NBPF9: variants seen among roughly 807,000 people sequenced by gnomAD.
NBPF9 encodes NBPF member 9.
NBPF9 carries 91 observed loss-of-function variants against 97.8 expected under a neutral mutation model. That is an observed-to-expected ratio of 0.93 (90% CI 0.79 to 1.11). The LOEUF is 1.11. NBPF9 is among the 50% of genes least tolerant of loss of function. The probability of loss-of-function intolerance (pLI) is 0.00; values close to 1 mark genes in which losing one functional copy is unlikely to be tolerated. For synonymous variants in NBPF9, 334 were observed against 359.5 expected, an observed-to-expected ratio of 0.93 and a Z score of 0.80; for missense variants, 992 against 939.5, an observed-to-expected ratio of 1.06 and a Z score of -0.73.
exon 1 of NBPF9, chr1:149,103,303 C>G (rs1553663763): frequency 6.6e-6 from 1 of 151,740 alleles, no homozygotes; most frequent in African/African-American, 2.4e-5. Context: ...GCCTTCACCT[C>G]GGAAACGCTG....
rs1404876334 is a variant in NBPF9 at position 149,102,787 on chromosome 1, G to A, written c.-782C>T. ...GCTAGTCATGAGGTGATTCAGTGAC[G>A]GCTACAAACGCTCCTCATGTGCATC... On this transcript the variant is annotated 5_prime_UTR_variant, in exon 2 of 30. Coordinates refer to ENST00000584027, the Ensembl canonical transcript of NBPF9. 6 of 152,234 alleles carry A rather than the reference G, an allele frequency of 3.9e-5. No homozygotes were observed. In the East Asian group the frequency reaches 1.2e-3, roughly 29 times the overall value. The allele number at this position is 152,234 out of a possible 1,614,324, so 9.4% of individuals were successfully genotyped here.
rs1239145604 is a variant in NBPF9, at chr1:149,068,980, G to A, written c.1637+614C>T. On this transcript the variant is annotated intron_variant, in intron 17 of 29. Coordinates refer to ENST00000584027, the Ensembl canonical transcript of NBPF9. ...AGGATTAAGAAACTCACTCAAAACCGCACAACTACATGGAAACTGAACAAC... is the reference window on the plus strand; with the variant it reads ...AGGATTAAGAAACTCACTCAAAACCACACAACTACATGGAAACTGAACAAC... 4.1e-3 allele frequency among the ~76,000 whole-genome samples: 624 copies of A among 152,104 alleles called. 2 individuals carry two copies. Among genetic ancestry groups the A allele is most frequent in the African/African-American group, 5.6e-3 (233 of 41,500 alleles).
intron 5 of NBPF9, among the ~76,000 whole-genome samples, chr1:149,087,722 C>A (rs1256218790): frequency 6.6e-6 from 1 of 151,078 alleles, no homozygotes; most frequent in African/African-American, 2.4e-5. Context: ...CTCTTCTGAT[C>A]CATGACAAGG....
intron 18 of NBPF9, 26 bp from the exon 19 acceptor site, chr1:149,064,508 C>G (rs782720468): frequency 2.6e-5 from 40 of 1,510,730 alleles, no homozygotes; most frequent in Non-Finnish European, 3.6e-5. Flanking sequence ...GATGGGCCCT[C>G]TTACATTAAG....
intron 11 of NBPF9, among the ~76,000 whole-genome samples, chr1:149,076,696 G>A (rs587698904): frequency 5.5e-4 from 80 of 146,122 alleles, no homozygotes; most frequent in African/African-American, 1.9e-3. Flanking sequence ...TTTTAGTAAA[G>A]ACGGGGTTTC....
rs1159456397 is a variant in NBPF9 at position 149,060,828 on chromosome 1, T to C, written c.2304-133A>G. ...ATAGATCCATTAATGAGGTAACAAA[T>C]TATTGCCTTCATGTTGGGACACAAC... On this transcript the variant is annotated intron_variant, in intron 23 of 29. Transcript: ENST00000584027. 34 of 405,118 alleles carry C rather than the reference T, an allele frequency of 8.4e-5. 12 individuals are homozygous for C. In the South Asian group the frequency reaches 8.5e-4, roughly 10 times the overall value. 25.1% of individuals were successfully genotyped at this position (405,118 alleles called of 1,614,324 possible). A position where few individuals can be genotyped will look rare whatever the true frequency, so the allele number is the denominator to read the frequency against.
At chr1:149,071,473 G>C in intron 15 of NBPF9, 131 bp downstream of exon 15, 1 of 1,220,714 alleles carries the variant, frequency 8.2e-7, no homozygotes, top group South Asian at 1.2e-5. Flanking sequence ...GTCTAAGCTG[G>C]GTTCAATTTC....
Position 149,059,897 on chromosome 1 carries a change from C to T in NBPF9, c.2477-89G>A. On this transcript the variant is annotated intron_variant, in intron 24 of 29. Coordinates refer to ENST00000584027, the Ensembl canonical transcript of NBPF9. ...CTGTCTAATCCTCACACAGGGACCTCAGGCTCCTCAGCATAAGAATAGGAC... is the reference window on the plus strand; with the variant it reads ...CTGTCTAATCCTCACACAGGGACCTTAGGCTCCTCAGCATAAGAATAGGAC... 2 of 475,934 alleles carry T rather than the reference C, an allele frequency of 4.2e-6. 1 individual carries two copies. The highest frequency in any genetic ancestry group is 7.7e-6 in the Non-Finnish European group (2 of 260,696). The allele number at this position is 475,934 out of a possible 1,614,324, so 29.5% of individuals were successfully genotyped here.
chr1:149,077,839 C>A, intron 10 of NBPF9, 44 bp downstream of exon 10: 1 of 1,595,034 alleles, frequency 6.3e-7, no homozygotes, highest in South Asian at 1.1e-5. Context: ...TAGACATCTT[C>A]ATATGTTACC....
At chr1:149,097,752 G>T (rs1400169351) in intron 4 of NBPF9, among the ~76,000 whole-genome samples, 1 of 152,044 alleles carries the variant, frequency 6.6e-6, no homozygotes, top group Admixed American at 6.5e-5. Flanking sequence ...CCCAGAGCAG[G>T]GCATGGTACC....
chr1:149,071,276 G>A (rs185593854), intron 15 of NBPF9, 137 bp from the exon 16 acceptor site: 17 of 1,398,320 alleles, frequency 1.2e-5, no homozygotes, highest in Non-Finnish European at 1.6e-5. Flanking sequence ...CATTAAGAGG[G>A]AACAGGTAAT....
At chr1:149,074,625 G>C (rs1397440778) in intron 12 of NBPF9, among the ~76,000 whole-genome samples, 1 of 147,706 alleles carries the variant, frequency 6.8e-6, no homozygotes, top group African/African-American at 2.4e-5. Context: ...GACAAGACAA[G>C]CAACTTGGAT....
At chr1:149,056,057 T>C (rs1420303389) in intron 29 of NBPF9, among the ~76,000 whole-genome samples, 158 bp from the exon 30 acceptor site, 1 of 151,458 alleles carries the variant, frequency 6.6e-6, no homozygotes, top group Non-Finnish European at 1.5e-5. Context: ...TATGTTGGGA[T>C]AGAACAGGGC....
At chr1:149,056,190 T>A (rs2078227825) in intron 29 of NBPF9, among the ~76,000 whole-genome samples, 1 of 150,660 alleles carries the variant, frequency 6.6e-6, no homozygotes, top group South Asian at 2.1e-4. Context: ...CACTCTGAGT[T>A]AGTGCCCTCA....
intron 4 of NBPF9, chr1:149,092,903 C>A: frequency 4.3e-6 from 1 of 231,218 alleles, no homozygotes; most frequent in Non-Finnish European, 7.1e-6. Flanking sequence ...CCCTCCACAC[C>A]TGTGGGCATT....
intron 4 of NBPF9, among the ~76,000 whole-genome samples, chr1:149,093,231 G>A (rs2081523871): frequency 6.6e-6 from 1 of 151,472 alleles, no homozygotes; most frequent in Non-Finnish European, 1.5e-5. Flanking sequence ...GCCTTAAAGA[G>A]CAGTATTGCT....
intron 12 of NBPF9, among the ~76,000 whole-genome samples, chr1:149,074,304 C>G (rs1325673988): frequency 6.6e-6 from 1 of 151,140 alleles, no homozygotes; most frequent in African/African-American, 2.4e-5. Flanking sequence ...ATTTCAAGGA[C>G]AAGTATGCGA....
At chr1:149,055,649 G>C (rs782738121) in exon 30 of NBPF9, 52 of 1,611,714 alleles carry the variant, frequency 3.2e-5, no homozygotes, top group African/African-American at 6.7e-5. Context: ...GGCTTAGTAA[G>C]GGCTGCTTAT....
chr1:149,061,671 G>C, intron 22 of NBPF9: 1 of 220,644 alleles, frequency 4.5e-6, no homozygotes, highest in Middle Eastern at 1.7e-3. Context: ...CAAAGAAAAT[G>C]CCCCAGATGA....
Sources: gnomAD v4.1 joint callset for allele counts (sites outside exome capture counted in the v4.1 genomes callset) on GRCh38, gnomAD v4.1.1 for gene constraint, MANE v1.5 for transcripts, NCBI Gene and HGNC (gene_info 2026-07-23, HGNC 2026-07-21) for gene names.